CERS6: variants seen among roughly 807,000 people sequenced by gnomAD.
CERS6 encodes ceramide synthase 6, also known as LAG1 homolog, ceramide synthase 6.
CERS6 carries 26 observed loss-of-function variants against 56.8 expected under a neutral mutation model. The observed-to-expected ratio is 0.46, with a 90% CI of 0.34 to 0.63. The LOEUF (loss-of-function observed/expected upper bound fraction) is 0.63. Ranked by LOEUF, CERS6 falls within the 30% of genes least tolerant of loss-of-function variation. CERS6 has a pLI of 0.01. For missense variants in CERS6, 415 were observed against 467.5 expected, an observed-to-expected ratio of 0.89 and a Z score of 1.04; for synonymous variants, 164 against 173.3, an observed-to-expected ratio of 0.95 and a Z score of 0.42.
intron 4 of CERS6, among the ~76,000 whole-genome samples, chr2:168,640,678 T>C (rs1684967608): frequency 1.3e-5 from 2 of 152,242 alleles, no homozygotes; most frequent in Non-Finnish European, 1.5e-5. Context: ...AGGGATTTTG[T>C]AATCTAGCAG....
At chr2:168,753,066 A>G (rs901271514) in intron 8 of CERS6, among the ~76,000 whole-genome samples, 1 of 152,238 alleles carries the variant, frequency 6.6e-6, no homozygotes, top group East Asian at 1.9e-4. Context: ...CGTTTATGTT[A>G]GAGTTTAAGA....
At chr2:168,547,854 A>G (rs1228411712) in intron 2 of CERS6, among the ~76,000 whole-genome samples, 153 bp downstream of exon 2, 1 of 152,212 alleles carries the variant, frequency 6.6e-6, no homozygotes, top group Non-Finnish European at 1.5e-5. Flanking sequence ...AGCGTAGTAG[A>G]AGCGGAATGA....
In CERS6 at chr2:168,749,427, C is replaced by T. The variant is rs1574218171; in HGVS notation, c.846-16165C>T. On this transcript the variant is annotated intron_variant, in intron 8 of 9. Coordinates refer to ENST00000305747, the MANE Select transcript of CERS6 (RefSeq NM_203463.3). The stretch of plus-strand genomic sequence containing the variant: ...CCCCAACAGGTATGCCCTCCTTTTC[C>T]CTGGCCTCCTGTCTTCTCAGCACTT... 4.6e-5 allele frequency among the ~76,000 whole-genome samples: 7 copies of T among 152,272 alleles called. No homozygotes were observed. In the South Asian group the frequency reaches 1.2e-3, roughly 27 times the overall value.
intron 9 of CERS6, among the ~76,000 whole-genome samples, chr2:168,767,796 G>A (rs1276652422): frequency 1.3e-5 from 2 of 152,160 alleles, no homozygotes; most frequent in African/African-American, 4.8e-5. Flanking sequence ...ATGTGGGAAA[G>A]CGCCAGTTAA....
At chr2:168,760,882 C>T (rs924235435) in intron 8 of CERS6, among the ~76,000 whole-genome samples, 1 of 151,894 alleles carries the variant, frequency 6.6e-6, no homozygotes, top group African/African-American at 2.4e-5. Context: ...CAGCCTCCCG[C>T]GTAGCTGGGA....
At chr2:168,496,736 A>G (rs893200376) in intron 1 of CERS6, among the ~76,000 whole-genome samples, 4 of 152,228 alleles carry the variant, frequency 2.6e-5, no homozygotes, top group African/African-American at 7.2e-5. Context: ...TTCTAGTAGT[A>G]GCTCTAGATT....
chr2:168,491,697 A>G (rs1277392314), intron 1 of CERS6, among the ~76,000 whole-genome samples: 1 of 152,080 alleles, frequency 6.6e-6, no homozygotes, highest in African/African-American at 2.4e-5. Context: ...TTTGTTACAT[A>G]GGTATACACG....
chr2:168,486,268 G>A (rs943455061), intron 1 of CERS6, among the ~76,000 whole-genome samples: 8 of 152,022 alleles, frequency 5.3e-5, no homozygotes, highest in East Asian at 1.9e-4. Flanking sequence ...TACTTGTTTT[G>A]CAAAGATTTT....
chr2:168,486,572 G>A (rs1165902706), intron 1 of CERS6, among the ~76,000 whole-genome samples: 2 of 128,310 alleles, frequency 1.6e-5, no homozygotes, highest in Admixed American at 8.3e-5. Flanking sequence ...GGAACCATTT[G>A]TTGAAAAGAC....
At position 168,715,079 on chromosome 2, in the gene CERS6, G is replaced by A. The variant is rs774014075; in HGVS notation, c.688G>A (p.Val230Ile). The change falls in exon 7 of 10, where the codon GTA becomes ATA. Residue 230 changes from valine (V) to isoleucine (I), a missense_variant. Transcript: ENST00000305747. ...TTCATATGTCAACAATATGGCCCGA[G>A]TAGGAACGCTGGTCCTTTGTCTTCA... is the stretch of plus-strand genomic sequence containing the variant. ...TFSYVNNMAR[V>I]GTLVLCLHDS... is the part of the protein sequence containing the mutation. 7 of 1,612,924 alleles carry A rather than the reference G, an allele frequency of 4.3e-6. No individual in the cohort carries two copies. The highest frequency in any genetic ancestry group is 1.1e-5 in the South Asian group (1 of 90,874).
Position 168,456,571 on chromosome 2 carries a change from T to C in CERS6, c.123T>C (p.Ala41=), listed in dbSNP as rs1482247106. ...TFPQAEDLYL[A]FPLAFCIFMV... ...CGCAGGCTGAGGACCTCTATCTCGC[T>C]TTTCCCCTGGCCTTCTGTATCTTCA... is the stretch of plus-strand genomic sequence containing the variant. Residue 41 remains alanine (A), a synonymous_variant, in exon 1 of 10, where the codon GCT becomes GCC. Transcript: ENST00000305747. This position sits in a 1 kb window ranked among gnomAD's most constrained non-coding sequence, Gnocchi z 4.1. 1 of 1,613,730 alleles carries C rather than the reference T, an allele frequency of 6.2e-7. No individual in the cohort carries two copies. Among genetic ancestry groups the C allele is most frequent in the African/African-American group, 1.3e-5 (1 of 74,904 alleles).
intron 3 of CERS6, among the ~76,000 whole-genome samples, chr2:168,599,942 A>G (rs1477820537): frequency 6.6e-6 from 1 of 152,152 alleles, no homozygotes; most frequent in Non-Finnish European, 1.5e-5. Flanking sequence ...ACCTGGGGGT[A>G]AAATCTGACT....
chr2:168,525,909 T>A (rs935636720), intron 1 of CERS6, among the ~76,000 whole-genome samples: 1 of 152,188 alleles, frequency 6.6e-6, no homozygotes, highest in African/African-American at 2.4e-5. Flanking sequence ...ACCTTCATTT[T>A]AAAAATTTAA....
intron 1 of CERS6, among the ~76,000 whole-genome samples, chr2:168,526,030 C>A (rs1574043048): frequency 6.6e-6 from 1 of 152,232 alleles, no homozygotes; most frequent in African/African-American, 2.4e-5. Flanking sequence ...TCTAATGATG[C>A]CCCTAGGGTT....
At chr2:168,705,493 C>T (rs140689776) in intron 6 of CERS6, among the ~76,000 whole-genome samples, 97 of 152,274 alleles carry the variant, frequency 6.4e-4, no homozygotes, top group African/African-American at 2.3e-3. Context: ...GTAGGAAGCT[C>T]AGGCAGTTGA....
At chr2:168,743,094 C>T (rs1484504300) in intron 8 of CERS6, among the ~76,000 whole-genome samples, 2 of 151,638 alleles carry the variant, frequency 1.3e-5, no homozygotes, top group African/African-American at 4.9e-5. Context: ...TGGGGCCGAC[C>T]CTAACACTCC....
At chr2:168,506,061 T>C (rs1454595706) in intron 1 of CERS6, among the ~76,000 whole-genome samples, 3 of 152,194 alleles carry the variant, frequency 2.0e-5, no homozygotes, top group Non-Finnish European at 4.4e-5. Context: ...ATCTTTCTCC[T>C]TTTCTATTCT....
intron 4 of CERS6, among the ~76,000 whole-genome samples, chr2:168,639,737 T>A (rs6433078): frequency 6.6e-6 from 1 of 151,792 alleles, no homozygotes; most frequent in Admixed American, 6.6e-5. Context: ...GAATTCCGAT[T>A]GGACCAGCTC....
chr2:168,498,052 G>T (rs987663399), intron 1 of CERS6, among the ~76,000 whole-genome samples: 1 of 152,064 alleles, frequency 6.6e-6, no homozygotes, highest in African/African-American at 2.4e-5. Context: ...CATCTTCACG[G>T]CCCTATTTCT....
Sources: allele counts gnomAD v4.1 joint callset (sites outside exome capture counted in the v4.1 genomes callset), GRCh38; gene constraint gnomAD v4.1.1; non-coding constraint Gnocchi (gnomAD v3.1); transcripts MANE v1.5; gene names NCBI Gene and HGNC (gene_info 2026-07-23, HGNC 2026-07-21).